Variants in MTSS2 observed in about 807,000 individuals in gnomAD.
The protein encoded by MTSS2 is MTSS I-BAR domain containing 2.
A neutral mutation model predicts 67.1 loss-of-function variants in MTSS2; 27 were observed. That is an observed-to-expected ratio of 0.40 (90% CI 0.30 to 0.55). MTSS2 has a LOEUF of 0.55. Among genes scored for constraint, MTSS2 ranks in the 20% least tolerant of loss-of-function variants. MTSS2 has a pLI of 0.43. For missense variants in MTSS2, 1,171 were observed against 1,067.8 expected (o/e 1.10, Z -1.35); for synonymous variants, 624 against 468.6 (o/e 1.33, Z -4.28).
chr16:70,662,856 T>C lies in MTSS2; in HGVS notation c.*821A>G, dbSNP rs925509747. 3.3e-5 allele frequency: 5 copies of C among 152,404 alleles called. No individual in the cohort carries two copies. Among genetic ancestry groups the C allele is most frequent in the African/African-American group, 1.2e-4 (5 of 41,458 alleles). 9.4% of individuals were successfully genotyped at this position (152,404 alleles called of 1,614,324 possible). A position where few individuals can be genotyped will look rare whatever the true frequency, so the allele number is the denominator to read the frequency against. ...AAAGTTAAAAGATTGATGTACCCAATGAGAAGTGGACATCTGAAAACGGTG... is the reference window on the plus strand; with the variant it reads ...AAAGTTAAAAGATTGATGTACCCAACGAGAAGTGGACATCTGAAAACGGTG... On this transcript the variant is annotated 3_prime_UTR_variant, in exon 15 of 15. Transcript: ENST00000338779.
In MTSS2 at chr16:70,665,460, A is replaced by G. The variant is rs113514718; in HGVS notation, c.1128+6T>C. On this transcript the variant is annotated splice_donor_region_variant and intron_variant, in intron 12 of 14. Transcript: ENST00000338779. ...ACTGTCCTGGGGCCGGGCTGGGAGC[A>G]CTGACCGAGGTGGGGGAGCTGCACT... The G allele has an allele frequency of 8.4e-6, 13 of 1,553,108 alleles. No homozygotes were observed. Among genetic ancestry groups the G allele is most frequent in the African/African-American group, 5.5e-5 (4 of 73,386 alleles).
intron 7 of MTSS2, 40 bp downstream of exon 7, chr16:70,679,274 AG>A: frequency 6.2e-7 from 1 of 1,612,334 alleles, no homozygotes; most frequent in African/African-American, 1.3e-5. Flanking sequence ...AAATGCGACA[AG>A]GACGGGAGGA....
Position 70,665,568 on chromosome 16 carries a change from G to GCAGA in MTSS2, c.1054-32_1054-29dup, listed in dbSNP as rs113771499. The GCAGA allele has an allele frequency of 3.3e-4, 509 of 1,536,976 alleles. 8 individuals are homozygous for GCAGA. The African/African-American group carries it at 5.5e-3, about 17-fold the overall frequency. On this transcript the variant is annotated intron_variant, in intron 11 of 14. Transcript: ENST00000338779. The stretch of plus-strand genomic sequence containing the variant: ...GCCATGCAGAGGCCAGCAGGCGGTT[G>GCAGA]CAGACAGAGGGGCCGGCAGGCAGCA...
intron 11 of MTSS2, among the ~76,000 whole-genome samples, chr16:70,667,374 G>A (rs868405870): frequency 1.3e-5 from 2 of 151,378 alleles, no homozygotes; most frequent in Non-Finnish European, 2.9e-5. Context: ...GAATTAGTAA[G>A]GGGTTAACCC....
chr16:70,680,059 G>GC lies in MTSS2; in HGVS notation c.206-5dup, dbSNP rs766716432. ...GAGCCGATGTCCCTCGTGGCCCCTG[G>GC]CGAGGCAAGCGCGGGGTGGGAAGGG... On this transcript the variant is annotated splice_polypyrimidine_tract_variant and splice_region_variant and intron_variant, in intron 3 of 14. Coordinates refer to ENST00000338779, the MANE Select transcript of MTSS2 (RefSeq NM_138383.3). The GC allele has an allele frequency of 2.0e-6, 3 of 1,511,996 alleles. No individual in the cohort carries two copies. In the African/African-American group the frequency reaches 4.3e-5, roughly 22 times the overall value. 93.7% of individuals were successfully genotyped at this position (1,511,996 alleles called of 1,614,324 possible).
rs1367367502 is a variant in MTSS2 at position 70,679,956 on chromosome 16, G to A, written c.290+15C>T. 3 of 780,774 alleles carry A rather than the reference G, an allele frequency of 3.8e-6. No homozygotes were observed. Among genetic ancestry groups the A allele is most frequent in the Admixed American group, 2.9e-5 (1 of 34,352 alleles). 48.4% of individuals were successfully genotyped at this position (780,774 alleles called of 1,614,324 possible). A position where few individuals can be genotyped will look rare whatever the true frequency, so the allele number is the denominator to read the frequency against. ...CGTCCCCCCGCCCCCCTGCCCGCCC[G>A]CAGCGCCCACTCACTTGGTGAACTG... is the stretch of plus-strand genomic sequence containing the variant. On this transcript the variant is annotated intron_variant, in intron 4 of 14. Transcript: ENST00000338779.
rs375933801 is a variant in MTSS2, at chr16:70,674,416, T to G, written c.943A>C (p.Thr315Pro). 5.0e-6 allele frequency: 8 copies of G among 1,614,006 alleles called. No homozygotes were observed. The highest frequency in any genetic ancestry group is 6.8e-6 in the Non-Finnish European group (8 of 1,180,026). Residue 315 changes from threonine (T) to proline (P), a missense_variant, in exon 11 of 15, where the codon ACC (threonine) becomes CCC (proline). This residue lies in a region of MTSS2 where 924 missense variants were observed against 756.0 expected (regional missense o/e 1.22). Transcript: ENST00000338779. ...ACGCTGGAGAGGCGAGCGGTGGTGGTGGCTGGCTGCGCCAGGCTGCGGTAG... is the reference window on the plus strand; with the variant it reads ...ACGCTGGAGAGGCGAGCGGTGGTGGGGGCTGGCTGCGCCAGGCTGCGGTAG... ...CRYRSLAQPA[T>P]TTARLSSVSS...
intron 11 of MTSS2, among the ~76,000 whole-genome samples, chr16:70,666,518 G>T (rs769068049): frequency 6.6e-6 from 1 of 152,216 alleles, no homozygotes; most frequent in Non-Finnish European, 1.5e-5. Context: ...CGTGGATCAC[G>T]GTGAGGTGTT....
At position 70,663,947 on chromosome 16, in the gene MTSS2, T is replaced by G; in HGVS notation, c.1974A>C (p.Ala658=). ...GCTGCTGCTGCTCGTCCTCGGCCCC[T>G]GCCCCGGGGTACCCGGCTGCCTCTG... is the stretch of plus-strand genomic sequence containing the variant. The part of the protein sequence containing the change: ...PSPEAAGYPG[A]GAEDEQQQLA... Residue 658 remains alanine, a synonymous_variant, in exon 15 of 15, where the codon GCA becomes GCC. Coordinates refer to ENST00000338779, the MANE Select transcript of MTSS2 (RefSeq NM_138383.3). 6.4e-7 allele frequency: 1 copy of G among 1,559,954 alleles called. No individual in the cohort carries two copies. The highest frequency in any genetic ancestry group is 2.4e-5 in the East Asian group (1 of 42,194).
intron 1 of MTSS2, 76 bp from the exon 2 acceptor site, chr16:70,681,101 A>G: frequency 7.2e-7 from 1 of 1,391,120 alleles, no homozygotes. Flanking sequence ...GGCTCCCTGC[A>G]TGCTCCATCC....
chr16:70,662,843 T>TTGA lies in MTSS2; in HGVS notation c.*831_*833dup, dbSNP rs1323434845. On this transcript the variant is annotated 3_prime_UTR_variant, in exon 15 of 15. Coordinates refer to ENST00000338779, the MANE Select transcript of MTSS2 (RefSeq NM_138383.3). ...AACTGTGACCCCCAAAGTTAAAAGATTGATGTACCCAATGAGAAGTGGACA... is the reference window on the plus strand; with the variant it reads ...AACTGTGACCCCCAAAGTTAAAAGATTGATGATGTACCCAATGAGAAGTGGACA... 1.3e-5 allele frequency: 2 copies of TTGA among 152,484 alleles called. No homozygotes were observed. Among genetic ancestry groups the TTGA allele is most frequent in the East Asian group, 1.9e-4 (1 of 5,200 alleles). The allele number at this position is 152,484 out of a possible 1,614,324, so 9.4% of individuals were successfully genotyped here.
Position 70,663,403 on chromosome 16 carries a change from A to C in MTSS2, c.*274T>G. 1 of 493,444 alleles carries C rather than the reference A, an allele frequency of 2.0e-6. No homozygotes were observed. Among genetic ancestry groups the C allele is most frequent in the Admixed American group, 4.0e-5 (1 of 25,172 alleles). The allele number at this position is 493,444 out of a possible 1,614,324, so 30.6% of individuals were successfully genotyped here. On this transcript the variant is annotated 3_prime_UTR_variant, in exon 15 of 15. Transcript: ENST00000338779. ...TGGTGCTTATGGGTAGGGAAGAGGCAGGGCCCCAGAGGAGGAAGAGGAGGG... is the reference window on the plus strand; with the variant it reads ...TGGTGCTTATGGGTAGGGAAGAGGCCGGGCCCCAGAGGAGGAAGAGGAGGG...
rs1319630041 is a variant in MTSS2 at position 70,664,088 on chromosome 16, G to C, written c.1833C>G (p.Gly611=). 2.5e-6 allele frequency: 4 copies of C among 1,611,772 alleles called. No individual in the cohort carries two copies. The highest frequency in any genetic ancestry group is 3.4e-6 in the Non-Finnish European group (4 of 1,179,598). ...CGGTATAGAAGACGCACTCCTCACT[G>C]CCCGCCCGTGTGGGCCCCATGTAGC... ...SPGYMGPTRA[G]SEECVFYTDE... is the part of the protein sequence containing the mutation. The change falls in exon 15 of 15, where the codon GGC becomes GGG. Residue 611 remains glycine (G), a synonymous_variant. Transcript: ENST00000338779.
In MTSS2 at chr16:70,663,499, G is replaced by GAAGT; in HGVS notation, c.*174_*177dup. 8.0e-7 allele frequency: 1 copy of GAAGT among 1,242,664 alleles called. No individual in the cohort carries two copies. Among genetic ancestry groups the GAAGT allele is most frequent in the Admixed American group, 3.2e-5 (1 of 31,700 alleles). 77.0% of individuals were successfully genotyped at this position (1,242,664 alleles called of 1,614,324 possible). A position where few individuals can be genotyped will look rare whatever the true frequency, so the allele number is the denominator to read the frequency against. On this transcript the variant is annotated 3_prime_UTR_variant, in exon 15 of 15. Transcript: ENST00000338779. The stretch of plus-strand genomic sequence containing the variant: ...GCTCCGTCCTGGCCAGGCTTGCTAA[G>GAAGT]AAGTCACTTCCTGTTTAAATGCTGG...
At chr16:70,665,401 G>T in intron 12 of MTSS2, 65 bp downstream of exon 12, 2 of 1,474,394 alleles carry the variant, frequency 1.4e-6, no homozygotes, top group East Asian at 2.5e-5. Flanking sequence ...ATGGCACCAG[G>T]TGGGGAGGGC....
At chr16:70,681,122 C>T (rs1017762697) in intron 1 of MTSS2, 97 bp from the exon 2 acceptor site, 4 of 1,217,294 alleles carry the variant, frequency 3.3e-6, no homozygotes, top group Admixed American at 4.4e-5. Context: ...AGACTTGGGG[C>T]AGTTTCTAAG....
intron 6 of MTSS2, 135 bp downstream of exon 6, chr16:70,679,495 C>G: frequency 8.1e-7 from 1 of 1,240,234 alleles, no homozygotes; most frequent in Non-Finnish European, 1.1e-6. Context: ...TCTGTCCCAC[C>G]CAACAGGTTG....
intron 7 of MTSS2, 118 bp from the exon 8 acceptor site, chr16:70,678,527 G>T: frequency 8.0e-7 from 1 of 1,250,012 alleles, no homozygotes; most frequent in Non-Finnish European, 1.1e-6. Context: ...TGTTGCCCTG[G>T]GGCCAGGGGA....
intron 13 of MTSS2, 76 bp from the exon 14 acceptor site, chr16:70,664,839 G>A (rs1394222692): frequency 2.0e-6 from 3 of 1,522,500 alleles, no homozygotes; most frequent in South Asian, 1.3e-5. Context: ...GCCCTGCCAG[G>A]TGGTTGGAGC....
Sources: gnomAD v4.1 joint callset for allele counts (sites outside exome capture counted in the v4.1 genomes callset) on GRCh38, gnomAD v4.1.1 for gene constraint, gnomAD v4.1.1 regional missense constraint, MANE v1.5 for transcripts, NCBI Gene and HGNC (gene_info 2026-07-23, HGNC 2026-07-21) for gene names.